Variants in GABRB2 observed in about 807,000 individuals in gnomAD.
GABRB2 encodes gamma-aminobutyric acid receptor subunit beta-2.
GABRB2 carries 16 observed loss-of-function variants against 54.7 expected under a neutral mutation model. The ratio of observed to expected loss-of-function variants is 0.29; its 90% CI spans 0.20 to 0.44. GABRB2 has a LOEUF of 0.44. Among genes scored for constraint, GABRB2 ranks in the 20% least tolerant of loss-of-function variants. The pLI is 1.00. For missense variants in GABRB2, 355 were observed against 644.0 expected (o/e 0.55, Z 4.86); for synonymous variants, 244 against 233.8 (o/e 1.04, Z -0.40).
Position 161,289,814 on chromosome 5 carries a change from ACTGTGTG to A in GABRB2, c.*4260_*4266del, listed in dbSNP as rs1440884779. 21 of 132,902 alleles carry A rather than the reference ACTGTGTG, an allele frequency of 1.6e-4. No homozygotes were observed. The highest frequency in any genetic ancestry group is 5.9e-4 in the African/African-American group (20 of 33,820). The allele number at this position is 132,902 out of a possible 1,614,324, so 8.2% of individuals were successfully genotyped here. A position where few individuals can be genotyped will look rare whatever the true frequency, so the allele number is the denominator to read the frequency against. Reference sequence around the variant, plus strand: ...GAGTGTGTGTGTGTGTGTGTGTGTGACTGTGTGTGACTGTGTGTGTGATAGCAAATTG... The same window carrying A: ...GAGTGTGTGTGTGTGTGTGTGTGTGATGACTGTGTGTGTGATAGCAAATTG... On this transcript the variant is annotated 3_prime_UTR_variant, in exon 10 of 10. Transcript: ENST00000393959.
rs1430026632 is a variant in GABRB2, at chr5:161,292,898, A to AG, written c.*1182dup. On this transcript the variant is annotated 3_prime_UTR_variant, in exon 10 of 10. Transcript: ENST00000393959. The stretch of plus-strand genomic sequence containing the variant: ...CTAAGAATATAATCAGAATTTTGGA[A>AG]GCAAAAAAAAAGCTGGAGAGGACCA... 1 of 152,194 alleles carries AG rather than the reference A, an allele frequency of 6.6e-6. No individual in the cohort carries two copies. Among genetic ancestry groups the AG allele is most frequent in the Non-Finnish European group, 1.5e-5 (1 of 68,020 alleles). 9.4% of individuals were successfully genotyped at this position (152,194 alleles called of 1,614,324 possible).
intron 9 of GABRB2, among the ~76,000 whole-genome samples, chr5:161,297,367 T>C (rs1757410086): frequency 6.6e-6 from 1 of 152,154 alleles, no homozygotes. Context: ...CGTGCCATGG[T>C]GGTTTGCTGC....
At chr5:161,422,917 T>C (rs1357564782) in intron 4 of GABRB2, among the ~76,000 whole-genome samples, 1 of 152,184 alleles carries the variant, frequency 6.6e-6, no homozygotes, top group East Asian at 1.9e-4. Flanking sequence ...GATAAAATGA[T>C]GTCTATACAA....
At chr5:161,505,238 C>G (rs941902995) in intron 3 of GABRB2, among the ~76,000 whole-genome samples, 1 of 151,622 alleles carries the variant, frequency 6.6e-6, no homozygotes, top group Non-Finnish European at 1.5e-5. Flanking sequence ...AAGTGATATT[C>G]CTGCCTCAGC....
At chr5:161,457,443 C>T (rs1757988130) in intron 4 of GABRB2, among the ~76,000 whole-genome samples, 1 of 150,900 alleles carries the variant, frequency 6.6e-6, no homozygotes, top group African/African-American at 2.4e-5. Flanking sequence ...TTTTCCCTCT[C>T]AATTCTTTTT....
At chr5:161,439,643 A>T (rs901898082) in intron 4 of GABRB2, among the ~76,000 whole-genome samples, 1 of 152,186 alleles carries the variant, frequency 6.6e-6, no homozygotes, top group African/African-American at 2.4e-5. Context: ...AAAAAACAAA[A>T]AGTTTAAAAG....
At chr5:161,366,297 C>T (rs542516064) in intron 5 of GABRB2, among the ~76,000 whole-genome samples, 1 of 152,016 alleles carries the variant, frequency 6.6e-6, no homozygotes, top group South Asian at 2.1e-4. Flanking sequence ...GAAGCAATGA[C>T]CAAAGAATAC....
chr5:161,321,142 T>A (rs576437441), intron 9 of GABRB2, among the ~76,000 whole-genome samples: 1 of 152,130 alleles, frequency 6.6e-6, no homozygotes, highest in East Asian at 1.9e-4. Context: ...CTATGATAGA[T>A]CCCTTGAGAA....
At chr5:161,511,252 T>G (rs1759758997) in intron 3 of GABRB2, among the ~76,000 whole-genome samples, 1 of 151,972 alleles carries the variant, frequency 6.6e-6, no homozygotes, top group South Asian at 2.1e-4. Flanking sequence ...GCTCTTTTCT[T>G]TTCTAAACTG....
chr5:161,357,967 G>A (rs1754689534), intron 5 of GABRB2, among the ~76,000 whole-genome samples: 2 of 152,126 alleles, frequency 1.3e-5, no homozygotes, highest in South Asian at 4.1e-4. Context: ...AGCCTGATTG[G>A]AGACAAATAT....
chr5:161,345,716 T>C (rs564563081), intron 5 of GABRB2, among the ~76,000 whole-genome samples: 1 of 152,222 alleles, frequency 6.6e-6, no homozygotes, highest in Non-Finnish European at 1.5e-5. Flanking sequence ...AGCACTCTAG[T>C]TGAATTTCTA....
intron 3 of GABRB2, among the ~76,000 whole-genome samples, chr5:161,501,290 C>G (rs971264264): frequency 7.0e-6 from 1 of 143,278 alleles, no homozygotes; most frequent in Non-Finnish European, 1.6e-5. Context: ...TGTGACAAGT[C>G]TTTGTTAAAA....
chr5:161,310,763 C>A (rs1475669882), intron 9 of GABRB2, among the ~76,000 whole-genome samples: 1 of 136,222 alleles, frequency 7.3e-6, no homozygotes, highest in Non-Finnish European at 1.5e-5. Flanking sequence ...TATGCTACAG[C>A]ATTTTTTTTT....
chr5:161,364,479 A>T (rs577823560), intron 5 of GABRB2, among the ~76,000 whole-genome samples: 2 of 152,302 alleles, frequency 1.3e-5, no homozygotes, highest in East Asian at 3.9e-4. Flanking sequence ...GCTAAATTTC[A>T]AAATGGTAAC....
intron 5 of GABRB2, among the ~76,000 whole-genome samples, chr5:161,409,282 T>G (rs1168470996): frequency 6.6e-6 from 1 of 152,092 alleles, no homozygotes; most frequent in Non-Finnish European, 1.5e-5. Flanking sequence ...CCTATAGTTG[T>G]AAAGACGGAA....
At chr5:161,501,509 G>T (rs72813593) in intron 3 of GABRB2, among the ~76,000 whole-genome samples, 4,729 of 152,172 alleles carry the variant, frequency 0.031, 142 homozygotes, top group Admixed American at 0.046. Context: ...ACCTAATTAT[G>T]CTTTCATTTT....
chr5:161,347,125 C>T (rs1754340663), intron 5 of GABRB2, among the ~76,000 whole-genome samples: 1 of 152,082 alleles, frequency 6.6e-6, no homozygotes, highest in Non-Finnish European at 1.5e-5. Context: ...TAAATGGCCA[C>T]TAGCTAATAT....
intron 3 of GABRB2, among the ~76,000 whole-genome samples, chr5:161,501,770 T>C (rs1356843868): frequency 1.3e-5 from 2 of 151,646 alleles, no homozygotes; most frequent in Non-Finnish European, 2.9e-5. Context: ...TAACCTAAAA[T>C]ATAAATTAAA....
chr5:161,433,106 T>C (rs1044584031), intron 4 of GABRB2, among the ~76,000 whole-genome samples: 8 of 152,182 alleles, frequency 5.3e-5, no homozygotes, highest in African/African-American at 1.9e-4. Flanking sequence ...TTCACAGATA[T>C]AAGCTGTAAC....
Sources: allele counts gnomAD v4.1 joint callset (sites outside exome capture counted in the v4.1 genomes callset), GRCh38; gene constraint gnomAD v4.1.1; transcripts MANE v1.5; gene names NCBI Gene and HGNC (gene_info 2026-07-23, HGNC 2026-07-21).